The following RASGRF1 variants were observed in gnomAD, a reference collection of about 807,000 sequenced individuals.
The protein encoded by RASGRF1 is Ras protein specific guanine nucleotide releasing factor 1.
In RASGRF1, 40 loss-of-function variants were observed where a neutral mutation model predicts 138.7. That is an observed-to-expected ratio of 0.29 (90% CI 0.22 to 0.38). RASGRF1 has a LOEUF of 0.38. Ranked by LOEUF, RASGRF1 falls within the 10% of genes least tolerant of loss-of-function variation. The probability of loss-of-function intolerance (pLI) is 1.00; values close to 1 mark genes in which losing one functional copy is unlikely to be tolerated. For synonymous variants in RASGRF1, 614 were observed against 663.2 expected (o/e 0.93, Z 1.14); for missense variants, 1,108 against 1,650.4 (o/e 0.67, Z 5.69).
chr15:78,990,463 C>T (rs2056246085), intron 21 of RASGRF1, among the ~76,000 whole-genome samples, 190 bp from the exon 22 acceptor site: 1 of 152,148 alleles, frequency 6.6e-6, no homozygotes, highest in Admixed American at 6.5e-5. Flanking sequence ...AGCTGTGTGG[C>T]CCCAGACAAA....
chr15:79,078,130 C>G (rs2057862769), intron 1 of RASGRF1, among the ~76,000 whole-genome samples: 1 of 85,274 alleles, frequency 1.2e-5, no homozygotes, highest in African/African-American at 3.0e-5. Context: ...TACAGAGAAC[C>G]TGGTGTGTGT....
chr15:79,077,681 G>A (rs1489155956), intron 1 of RASGRF1, among the ~76,000 whole-genome samples: 3 of 152,058 alleles, frequency 2.0e-5, no homozygotes, highest in South Asian at 4.2e-4. Context: ...TCCTCTTCCC[G>A]CTGTGTAACT....
chr15:79,046,765 T>C lies in RASGRF1; in HGVS notation c.859A>G (p.Ser287Gly), dbSNP rs2141024830. Residue 287 changes from serine to glycine, a missense_variant, in exon 5 of 27, where the codon AGC (serine) becomes GGC (glycine). This residue lies in a region of RASGRF1 where 169 missense variants were observed against 344.2 expected (regional missense o/e 0.49). Coordinates refer to ENST00000558480, the MANE Select transcript of RASGRF1 (RefSeq NM_001145648.3). This position sits in a 1 kb window ranked among gnomAD's most constrained non-coding sequence, Gnocchi z 5.3. ...GCTCACCTGTTCAGGAAGATGCTGC[T>C]GACGTCGTCGTGTGTGATGGGAGGC... is the stretch of plus-strand genomic sequence containing the variant. ...KKPPITHDDV[S>G]SIFLNSETIM... The C allele has an allele frequency of 6.2e-7, 1 of 1,614,268 alleles. No homozygotes were observed. Among genetic ancestry groups the C allele is most frequent in the Non-Finnish European group, 8.5e-7 (1 of 1,180,056 alleles).
rs1010014894 is a variant in RASGRF1 at position 79,073,401 on chromosome 15, G to A, written c.277-8875C>T. ...AGGGCTCCCCAAACTGCCCCAACAG[G>A]GAAGTGAGGCGGGGAGTTTGCCTTA... On this transcript the variant is annotated intron_variant, in intron 1 of 26. Coordinates refer to ENST00000558480, the MANE Select transcript of RASGRF1 (RefSeq NM_001145648.3). This position sits in a 1 kb window ranked among gnomAD's most constrained non-coding sequence, Gnocchi z 4.2. Among the ~76,000 whole-genome samples, 2 of 152,138 alleles carry A rather than the reference G, an allele frequency of 1.3e-5. No homozygotes were observed. The highest frequency in any genetic ancestry group is 1.9e-4 in the East Asian group (1 of 5,192).
intron 10 of RASGRF1, among the ~76,000 whole-genome samples, chr15:79,024,335 T>C (rs1035443428): frequency 6.0e-5 from 9 of 150,788 alleles, no homozygotes; most frequent in Non-Finnish European, 1.2e-4. Flanking sequence ...CACACACAAA[T>C]GCACAGAGAC....
In RASGRF1 at chr15:79,027,024, C is replaced by T. The variant is rs577198327; in HGVS notation, c.1381+717G>A. On this transcript the variant is annotated intron_variant, in intron 9 of 26. Coordinates refer to ENST00000558480, the MANE Select transcript of RASGRF1 (RefSeq NM_001145648.3). The surrounding 1 kb of genome is among the most constrained non-coding windows in gnomAD (Gnocchi z 4.8). ...CAAGTATTTCGTTAGGCAGAGAATC[C>T]CAGGGCTACAGAGAAGGGACTCTGG... 2.0e-5 allele frequency among the ~76,000 whole-genome samples: 3 copies of T among 152,292 alleles called. No homozygotes were observed. The highest frequency in any genetic ancestry group is 7.2e-5 in the African/African-American group (3 of 41,554).
At chr15:78,966,222 TA>T (rs2055641281) in intron 26 of RASGRF1, among the ~76,000 whole-genome samples, 1 of 131,544 alleles carries the variant, frequency 7.6e-6, no homozygotes, top group Non-Finnish European at 1.5e-5. Context: ...CATGAGGACT[TA>T]AATTTTTTTT....
intron 2 of RASGRF1, among the ~76,000 whole-genome samples, chr15:79,062,845 A>C (rs1194082454): frequency 6.7e-6 from 1 of 149,826 alleles, no homozygotes; most frequent in Admixed American, 6.7e-5. Flanking sequence ...CACCTGGCCA[A>C]CCTCATCTAC....
chr15:79,071,209 G>C (rs1044546328), intron 1 of RASGRF1, among the ~76,000 whole-genome samples: 4 of 152,224 alleles, frequency 2.6e-5, no homozygotes, highest in African/African-American at 9.6e-5. Context: ...CTTCAACAAG[G>C]AGCAGAGCTG....
At chr15:78,999,547 G>C (rs767437407) in intron 17 of RASGRF1, among the ~76,000 whole-genome samples, 196 bp downstream of exon 17, 6 of 152,082 alleles carry the variant, frequency 3.9e-5, no homozygotes, top group Non-Finnish European at 5.9e-5. Context: ...AGGAAGCTTC[G>C]TGTCCAGTGA....
chr15:79,048,164 C>T (rs1029710647), intron 4 of RASGRF1, among the ~76,000 whole-genome samples: 15 of 152,156 alleles, frequency 9.9e-5, no homozygotes, highest in South Asian at 2.1e-4. Flanking sequence ...CCGGTCAGGG[C>T]GTCTCTGCCC....
intron 23 of RASGRF1, chr15:78,984,741 G>T: frequency 2.0e-6 from 1 of 489,866 alleles, no homozygotes; most frequent in Non-Finnish European, 3.8e-6. Flanking sequence ...AAAATGTTGG[G>T]ACCAATAATC....
At chr15:79,079,991 A>T (rs1276315733) in intron 1 of RASGRF1, among the ~76,000 whole-genome samples, 3 of 152,198 alleles carry the variant, frequency 2.0e-5, no homozygotes, top group Non-Finnish European at 4.4e-5. Context: ...GATGCGACTC[A>T]TGGGGGCATG....
Position 78,995,762 on chromosome 15 carries a change from G to C in RASGRF1, c.3005C>G (p.Thr1002Arg). The C allele has an allele frequency of 1.2e-6, 2 of 1,614,164 alleles. No individual in the cohort carries two copies. Among genetic ancestry groups the C allele is most frequent in the Non-Finnish European group, 1.7e-6 (2 of 1,180,028 alleles). The change falls in exon 20 of 27, where the codon ACG becomes AGG. Residue 1002 changes from threonine to arginine, a missense_variant. Physicochemically the swap from Thr to Arg is moderately conservative, Grantham distance 71. Coordinates refer to ENST00000558480, the MANE Select transcript of RASGRF1 (RefSeq NM_001145648.3). The stretch of plus-strand genomic sequence containing the variant: ...CACCATCTGCGTGATCTCCTCCAGC[G>C]TGATCTGGTTGTCACCTGGGTCCTC... ...TQEDPGDNQI[T>R]LEEITQMAEG...
chr15:79,005,576 C>A, intron 14 of RASGRF1: 1 of 986,340 alleles, frequency 1.0e-6, no homozygotes, highest in Non-Finnish European at 1.2e-6. Flanking sequence ...TGGCCAAGTC[C>A]TTCATTGCCC....
chr15:78,999,591 G>T, intron 17 of RASGRF1, 152 bp downstream of exon 17: 1 of 824,784 alleles, frequency 1.2e-6, no homozygotes, highest in Non-Finnish European at 1.9e-6. Context: ...GGAGCTCCCC[G>T]AGGGTGGGTG....
At chr15:78,972,782 C>T (rs1403205019) in intron 25 of RASGRF1, among the ~76,000 whole-genome samples, 1 of 152,156 alleles carries the variant, frequency 6.6e-6, no homozygotes, top group East Asian at 1.9e-4. Context: ...GAGAAGTCTC[C>T]TCAGCCCTTA....
intron 1 of RASGRF1, among the ~76,000 whole-genome samples, chr15:79,072,804 T>TG (rs2057780045): frequency 1.3e-5 from 2 of 152,132 alleles, no homozygotes; most frequent in Admixed American, 1.3e-4. Context: ...AGACTCACAC[T>TG]GGGGGCAACA....
Position 79,051,724 on chromosome 15 carries a change from A to C in RASGRF1, c.532-2136T>G, listed in dbSNP as rs117964594. On this transcript the variant is annotated intron_variant, in intron 3 of 26. Transcript: ENST00000558480. ...AGGGACTAGGGCAGAAAATAGATGCAATTAGGTCAGGCACCATCCTACATG... is the reference window on the plus strand; with the variant it reads ...AGGGACTAGGGCAGAAAATAGATGCCATTAGGTCAGGCACCATCCTACATG... Among the ~76,000 whole-genome samples, 105 of 152,330 alleles carry C rather than the reference A, an allele frequency of 6.9e-4. No individual in the cohort carries two copies. In the East Asian group the frequency reaches 0.016, roughly 23 times the overall value.
Sources: gnomAD v4.1 joint callset for allele counts (sites outside exome capture counted in the v4.1 genomes callset) on GRCh38, gnomAD v4.1.1 for gene constraint, gnomAD v4.1.1 regional missense constraint, Gnocchi (gnomAD v3.1) non-coding constraint, MANE v1.5 for transcripts, NCBI Gene and HGNC (gene_info 2026-07-23, HGNC 2026-07-21) for gene names.